The following NR3C2 variants were observed in gnomAD, a reference collection of about 807,000 sequenced individuals.
NR3C2 encodes the protein mineralocorticoid receptor.
Under a neutral mutation model 86.4 loss-of-function variants are expected in NR3C2, and 15 were observed. The observed-to-expected ratio is 0.17, with a 90% confidence interval of 0.12 to 0.27. NR3C2 has a LOEUF of 0.27. Ranked by LOEUF, NR3C2 falls within the 10% of genes least tolerant of loss-of-function variation. The probability of loss-of-function intolerance (pLI) is 1.00; values close to 1 mark genes in which losing one functional copy is unlikely to be tolerated. For synonymous variants in NR3C2, 458 were observed against 450.5 expected (o/e 1.02, Z -0.21); for missense variants, 960 against 1,195.6 (o/e 0.80, Z 2.91).
intron 2 of NR3C2, among the ~76,000 whole-genome samples, chr4:148,405,160 T>C (rs1054917396): frequency 2.6e-5 from 4 of 152,198 alleles, no homozygotes; most frequent in Non-Finnish European, 5.9e-5. Context: ...AAATAGATCA[T>C]AACAATGACA....
rs768120602 is a variant in NR3C2 at position 148,436,392 on chromosome 4, C to T, written c.469G>A (p.Val157Met). The T allele has an allele frequency of 6.2e-7, 1 of 1,614,208 alleles. No homozygotes were observed. Among genetic ancestry groups the T allele is most frequent in the Non-Finnish European group, 8.5e-7 (1 of 1,180,034 alleles). ...ATAAATGATCTCAAGGGCGTGTTCA[C>T]ACAACTTAGAGTGGAAGGACGATGG... Reference protein sequence around the residue: ...NGHRPSTLSCVNTPLRSFMSD... With the variant: ...NGHRPSTLSCMNTPLRSFMSD... Residue 157 changes from valine (V) to methionine (M), a missense_variant, in exon 2 of 9, where the codon GTG (valine) becomes ATG (methionine). This residue lies in a region of NR3C2 where 680 missense variants were observed against 719.0 expected (regional missense o/e 0.95). Coordinates refer to ENST00000358102, the MANE Select transcript of NR3C2 (RefSeq NM_000901.5).
At chr4:148,387,321 A>G (rs1747315480) in intron 2 of NR3C2, among the ~76,000 whole-genome samples, 1 of 152,230 alleles carries the variant, frequency 6.6e-6, no homozygotes. Context: ...AAAGTCAGAA[A>G]GAACCTCAGA....
chr4:148,141,802 T>C (rs945469109), intron 6 of NR3C2, among the ~76,000 whole-genome samples: 1 of 152,176 alleles, frequency 6.6e-6, no homozygotes, highest in African/African-American at 2.4e-5. Flanking sequence ...GGATCTAGGC[T>C]GCATGCTCCT....
chr4:148,169,225 T>C (rs1735015110), intron 4 of NR3C2, among the ~76,000 whole-genome samples: 1 of 152,192 alleles, frequency 6.6e-6, no homozygotes. Flanking sequence ...TTAACATCAG[T>C]ATGGTTAAGA....
At chr4:148,241,734 C>CA (rs1470753799) in intron 3 of NR3C2, among the ~76,000 whole-genome samples, 8 of 152,140 alleles carry the variant, frequency 5.3e-5, no homozygotes, top group Non-Finnish European at 8.8e-5. Context: ...TCTGTGAGGG[C>CA]AGTGGTAGCC....
At chr4:148,090,723 T>C (rs1731021659) in intron 8 of NR3C2, among the ~76,000 whole-genome samples, 1 of 152,172 alleles carries the variant, frequency 6.6e-6, no homozygotes, top group South Asian at 2.1e-4. Flanking sequence ...ACAGGTTGGC[T>C]GGGGACAGGT....
chr4:148,120,167 G>C lies in NR3C2; in HGVS notation c.2632C>G (p.Leu878Val). The change falls in exon 7 of 9, where the codon CTA becomes GTA. Residue 878 changes from leucine to valine, a missense_variant. Physicochemically the swap from Leu to Val is conservative, Grantham distance 32. Coordinates refer to ENST00000358102, the MANE Select transcript of NR3C2 (RefSeq NM_000901.5). Reference protein sequence around the residue: ...EYTIMKVLLLLSTIPKDGLKS... With the variant: ...EYTIMKVLLLVSTIPKDGLKS... ...ATGGGCATCAATTTACTTGTGCTTA[G>C]TAGCAGCAAAACTTTCATGATGGTG... 6.2e-7 allele frequency: 1 copy of C among 1,614,164 alleles called. No individual in the cohort carries two copies. Among genetic ancestry groups the C allele is most frequent in the Non-Finnish European group, 8.5e-7 (1 of 1,179,988 alleles).
At chr4:148,189,808 T>C (rs1023595892) in intron 4 of NR3C2, among the ~76,000 whole-genome samples, 20 of 152,304 alleles carry the variant, frequency 1.3e-4, no homozygotes, top group African/African-American at 4.8e-4. Context: ...TCTTCTAGGT[T>C]TTCTAGTTTA....
Position 148,142,861 on chromosome 4 carries a change from G to A in NR3C2, c.2510+9608C>T, listed in dbSNP as rs143306587. On this transcript the variant is annotated intron_variant, in intron 6 of 8. Coordinates refer to ENST00000358102, the MANE Select transcript of NR3C2 (RefSeq NM_000901.5). ...GCCTTGCTCTAAATGCTGTCCTCCC[G>A]CTGACAGTGCTCATTTAAAAGTGTG... is the stretch of plus-strand genomic sequence containing the variant. 3.7e-4 allele frequency among the ~76,000 whole-genome samples: 57 copies of A among 152,190 alleles called. 1 individual carries two copies. The East Asian group carries it at 7.9e-3, about 21-fold the overall frequency.
intron 6 of NR3C2, among the ~76,000 whole-genome samples, chr4:148,146,054 A>G (rs1463535358): frequency 6.6e-6 from 1 of 152,102 alleles, no homozygotes; most frequent in Non-Finnish European, 1.5e-5. Flanking sequence ...TGAGCCAAGG[A>G]GAAGTAAGAA....
At chr4:148,130,112 C>T (rs568174279) in intron 6 of NR3C2, among the ~76,000 whole-genome samples, 12 of 152,014 alleles carry the variant, frequency 7.9e-5, no homozygotes, top group Admixed American at 5.2e-4. Flanking sequence ...GGAAAGCATG[C>T]GGGGTAAAAA....
At chr4:148,409,261 GT>G (rs1332991092) in intron 2 of NR3C2, among the ~76,000 whole-genome samples, 1 of 151,978 alleles carries the variant, frequency 6.6e-6, no homozygotes, top group Non-Finnish European at 1.5e-5. Flanking sequence ...CAAGGAATAG[GT>G]TTTATTGTCT....
chr4:148,373,964 C>G lies in NR3C2; in HGVS notation c.1757+61140G>C, dbSNP rs371952723. Among the ~76,000 whole-genome samples, 10 of 152,208 alleles carry G rather than the reference C, an allele frequency of 6.6e-5. No individual in the cohort carries two copies. The South Asian group carries it at 1.5e-3, about 22-fold the overall frequency. ...GAATGAAAACTCTTGGACAACAGAACCAGGATTTAAATGCAGGTCTGCACT... is the reference window on the plus strand; with the variant it reads ...GAATGAAAACTCTTGGACAACAGAAGCAGGATTTAAATGCAGGTCTGCACT... On this transcript the variant is annotated intron_variant, in intron 2 of 8. Transcript: ENST00000358102.
intron 2 of NR3C2, among the ~76,000 whole-genome samples, chr4:148,379,706 T>G (rs1746864027): frequency 6.6e-6 from 1 of 152,160 alleles, no homozygotes; most frequent in Non-Finnish European, 1.5e-5. Flanking sequence ...ATGATGCCAA[T>G]GATAAAGAGA....
chr4:148,230,479 G>C (rs1738405434), intron 3 of NR3C2, among the ~76,000 whole-genome samples: 2 of 152,164 alleles, frequency 1.3e-5, no homozygotes, highest in South Asian at 2.1e-4. Context: ...TTACAGGCGT[G>C]AGCCACCACA....
At chr4:148,218,291 CAT>C (rs967855241) in intron 3 of NR3C2, among the ~76,000 whole-genome samples, 8 of 152,134 alleles carry the variant, frequency 5.3e-5, no homozygotes, top group Admixed American at 5.2e-4. Context: ...AAGTTGAAAA[CAT>C]AGTTCAAACA....
At chr4:148,305,377 C>T (rs945997722) in intron 2 of NR3C2, among the ~76,000 whole-genome samples, 9 of 152,000 alleles carry the variant, frequency 5.9e-5, no homozygotes, top group African/African-American at 2.2e-4. Flanking sequence ...ACTGAGGGTG[C>T]CACTTTTCCC....
chr4:148,195,001 G>A, intron 3 of NR3C2, 139 bp from the exon 4 acceptor site: 2 of 683,800 alleles, frequency 2.9e-6, no homozygotes, highest in Non-Finnish European at 5.1e-6. Context: ...ATGATTTGTG[G>A]ATAATATAGA....
At chr4:148,123,370 T>C (rs886319030) in intron 6 of NR3C2, among the ~76,000 whole-genome samples, 2 of 152,240 alleles carry the variant, frequency 1.3e-5, no homozygotes, top group African/African-American at 2.4e-5. Flanking sequence ...GTGATCTTTG[T>C]TGTACCCTTA....
Sources: gnomAD v4.1 joint callset for allele counts (sites outside exome capture counted in the v4.1 genomes callset) on GRCh38, gnomAD v4.1.1 for gene constraint, gnomAD v4.1.1 regional missense constraint, MANE v1.5 for transcripts, NCBI Gene and HGNC (gene_info 2026-07-23, HGNC 2026-07-21) for gene names.